PCDH15: variants seen among roughly 807,000 people sequenced by gnomAD.
PCDH15 encodes protocadherin-15.
A neutral mutation model predicts 178.5 loss-of-function variants in PCDH15; 129 were observed. That is an observed-to-expected ratio of 0.72 (90% confidence interval 0.63 to 0.84). The LOEUF (loss-of-function observed/expected upper bound fraction) is 0.84. PCDH15 is among the 40% of genes least tolerant of loss of function. The pLI is 0.00. For synonymous variants in PCDH15, 800 were observed against 732.0 expected (o/e 1.09, Z -1.50); for missense variants, 2,230 against 2,099.9 (o/e 1.06, Z -1.21).
At chr10:53,839,180 G>T (rs1224298272) in intron 29 of PCDH15, among the ~76,000 whole-genome samples, 1 of 125,664 alleles carries the variant, frequency 8.0e-6, no homozygotes, top group Non-Finnish European at 1.6e-5. Context: ...TCCAGCCTGG[G>T]GCACAGAGTG....
At chr10:55,201,280 G>C (rs953279286) in intron 1 of PCDH15, among the ~76,000 whole-genome samples, 1 of 152,016 alleles carries the variant, frequency 6.6e-6, no homozygotes, top group African/African-American at 2.4e-5. Context: ...AGAGCCTGAA[G>C]ATGAATAAAT....
upstream of PCDH15, among the ~76,000 whole-genome samples, chr10:54,804,877 C>G (rs542030272): frequency 8.0e-6 from 1 of 125,426 alleles, no homozygotes; most frequent in Non-Finnish European, 1.6e-5. Flanking sequence ...TACAAACTTT[C>G]TTTTTCTGTA....
intron 18 of PCDH15, among the ~76,000 whole-genome samples, chr10:54,031,443 T>C (rs1268374797): frequency 6.6e-6 from 1 of 152,044 alleles, no homozygotes; most frequent in East Asian, 1.9e-4. Flanking sequence ...TATCCATGTA[T>C]TATGTAATAG....
chr10:55,356,433 G>T (rs534189768), intron 2 of PCDH15, among the ~76,000 whole-genome samples: 1 of 151,792 alleles, frequency 6.6e-6, no homozygotes, highest in East Asian at 1.9e-4. Context: ...AGCTAATATT[G>T]GTAATAGGAT....
At chr10:55,133,881 T>A (rs1046450363) in intron 2 of PCDH15, among the ~76,000 whole-genome samples, 1 of 152,100 alleles carries the variant, frequency 6.6e-6, no homozygotes, top group East Asian at 1.9e-4. Context: ...TCCGAGCACC[T>A]CCAGTGCTGA....
At chr10:54,744,412 A>C (rs950987661) in intron 1 of PCDH15, among the ~76,000 whole-genome samples, 1 of 152,162 alleles carries the variant, frequency 6.6e-6, no homozygotes, top group East Asian at 1.9e-4. Context: ...TAAACAAATA[A>C]ATAGTACACA....
At chr10:55,401,298 T>C (rs1394343118) in intron 2 of PCDH15, among the ~76,000 whole-genome samples, 1 of 152,092 alleles carries the variant, frequency 6.6e-6, no homozygotes, top group Non-Finnish European at 1.5e-5. Flanking sequence ...TAAGACTATC[T>C]GCCTGGGCAG....
intron 25 of PCDH15, among the ~76,000 whole-genome samples, chr10:53,912,813 C>A (rs1375400670): frequency 6.6e-6 from 1 of 152,190 alleles, no homozygotes; most frequent in Admixed American, 6.5e-5. Flanking sequence ...AATGGAAGAA[C>A]ATTCCATGCT....
chr10:55,298,232 A>T (rs1843184204), intron 1 of PCDH15, among the ~76,000 whole-genome samples: 1 of 152,198 alleles, frequency 6.6e-6, no homozygotes, highest in South Asian at 2.1e-4. Flanking sequence ...GATTTTCACA[A>T]AGCACAATAT....
At chr10:54,354,640 A>T (rs1944686026) in intron 5 of PCDH15, among the ~76,000 whole-genome samples, 1 of 152,186 alleles carries the variant, frequency 6.6e-6, no homozygotes, top group Admixed American at 6.5e-5. Context: ...GAAGATATCG[A>T]GTTTTGAACT....
At chr10:53,821,760 G>T in intron 32 of PCDH15, 1 of 1,560,990 alleles carries the variant, frequency 6.4e-7, no homozygotes, top group Non-Finnish European at 8.6e-7. Flanking sequence ...TGAATTTGGG[G>T]TAAAATAATA....
intron 1 of PCDH15, among the ~76,000 whole-genome samples, chr10:55,244,302 A>G (rs1841631888): frequency 1.3e-5 from 2 of 152,018 alleles, no homozygotes; most frequent in Admixed American, 6.6e-5. Flanking sequence ...AGTAGAGTGA[A>G]ATATTTGCCA....
intron 3 of PCDH15, among the ~76,000 whole-genome samples, chr10:54,436,657 T>C (rs544362492): frequency 6.6e-6 from 1 of 152,260 alleles, no homozygotes; most frequent in Admixed American, 6.5e-5. Context: ...GTTCTGATCA[T>C]CCTTAACCTA....
At chr10:55,160,864 T>C (rs1839047955) in intron 2 of PCDH15, among the ~76,000 whole-genome samples, 1 of 152,114 alleles carries the variant, frequency 6.6e-6, no homozygotes, top group African/African-American at 2.4e-5. Flanking sequence ...TACAGCAATA[T>C]CTCTTATTTA....
intron 3 of PCDH15, among the ~76,000 whole-genome samples, chr10:54,836,086 A>G (rs1953311205): frequency 6.6e-6 from 1 of 152,216 alleles, no homozygotes; most frequent in Admixed American, 6.6e-5. Flanking sequence ...TTCTATTCTC[A>G]CTTTGCAGAA....
chr10:54,076,794 A>T (rs957559525), intron 17 of PCDH15, among the ~76,000 whole-genome samples: 2 of 152,038 alleles, frequency 1.3e-5, no homozygotes, highest in East Asian at 3.8e-4. Flanking sequence ...CCCCATTTTG[A>T]GATGGTAGAA....
chr10:54,541,380 T>C (rs79681188), intron 2 of PCDH15, among the ~76,000 whole-genome samples: 13,498 of 152,246 alleles, frequency 0.089, 651 homozygotes, highest in Non-Finnish European at 0.11. Context: ...TGACTTAATA[T>C]ATTTCAGTAT....
At chr10:54,223,955 A>T (rs1282115189) in intron 9 of PCDH15, among the ~76,000 whole-genome samples, 2 of 152,228 alleles carry the variant, frequency 1.3e-5, no homozygotes, top group Non-Finnish European at 2.9e-5. Context: ...AGGCCCATTC[A>T]GGAAAACATT....
intron 3 of PCDH15, among the ~76,000 whole-genome samples, chr10:54,823,320 C>T (rs751326672): frequency 7.2e-5 from 11 of 152,080 alleles, no homozygotes; most frequent in South Asian, 2.1e-4. Flanking sequence ...TAAACTGCTC[C>T]TCAACTTCAA....
Sources: allele counts gnomAD v4.1 joint callset (sites outside exome capture counted in the v4.1 genomes callset), GRCh38; gene constraint gnomAD v4.1.1; transcripts MANE v1.5; gene names NCBI Gene and HGNC (gene_info 2026-07-23, HGNC 2026-07-21).